TPST2: variants seen among roughly 807,000 people sequenced by gnomAD.
TPST2 encodes tyrosylprotein sulfotransferase 2, also known as protein-tyrosine sulfotransferase 2.
In TPST2, 16 loss-of-function variants were observed where a neutral mutation model predicts 27.8. The ratio of observed to expected loss-of-function variants is 0.58; its 90% CI spans 0.39 to 0.88. TPST2 has a LOEUF of 0.88. Among genes scored for constraint, TPST2 ranks in the 40% least tolerant of loss-of-function variants. The pLI is 0.00. For synonymous variants in TPST2, 229 were observed against 231.7 expected (o/e 0.99, Z 0.10); for missense variants, 464 against 543.1 (o/e 0.85, Z 1.45).
At chr22:26,562,478 A>G (rs529235122) in intron 1 of TPST2, among the ~76,000 whole-genome samples, 7 of 152,186 alleles carry the variant, frequency 4.6e-5, no homozygotes, top group African/African-American at 1.7e-4. Context: ...CATTGGTACA[A>G]CCTCTATATT....
intron 1 of TPST2, among the ~76,000 whole-genome samples, chr22:26,574,584 C>T (rs985370330): frequency 8.5e-5 from 13 of 152,184 alleles, no homozygotes; most frequent in African/African-American, 2.2e-4. Flanking sequence ...ATTTGGGAGG[C>T]GACTGGCTGG....
In TPST2 at chr22:26,540,856, C is replaced by T. The variant is rs770123108; in HGVS notation, c.775G>A (p.Ala259Thr). 5.5e-5 allele frequency: 88 copies of T among 1,613,730 alleles called. No homozygotes were observed. The highest frequency in any genetic ancestry group is 7.0e-5 in the Non-Finnish European group (83 of 1,179,968). ...LKLILDFLGI[A>T]WSDAVLHHED... is the part of the protein sequence containing the mutation. Reference sequence around the variant, plus strand: ...TGGTGGAGGACAGCGTCGCTCCAGGCGATGCCGAGGAAGTCGAGGATGAGC... The same window carrying T: ...TGGTGGAGGACAGCGTCGCTCCAGGTGATGCCGAGGAAGTCGAGGATGAGC... Residue 259 changes from alanine (A) to threonine (T), a missense_variant, in exon 3 of 7, where the codon GCC becomes ACC. Transcript: ENST00000338754.
intron 1 of TPST2, among the ~76,000 whole-genome samples, chr22:26,546,378 GC>G (rs1422232223): frequency 6.6e-6 from 1 of 152,234 alleles, no homozygotes; most frequent in East Asian, 1.9e-4. Flanking sequence ...ATGATGTGAG[GC>G]CTGCTCTCTT....
At position 26,541,027 on chromosome 22, in the gene TPST2, A is replaced by C; in HGVS notation, c.604T>G (p.Phe202Val). The change falls in exon 3 of 7, where the codon TTT becomes GTT. Residue 202 changes from phenylalanine (F) to valine (V), a missense_variant. Physicochemically the swap from Phe to Val is conservative, Grantham distance 50. Coordinates refer to ENST00000338754, the MANE Select transcript of TPST2 (RefSeq NM_003595.5). This position sits in a 1 kb window ranked among gnomAD's most constrained non-coding sequence, Gnocchi z 5.9. ...CAGTCACGGTAGCTGCTGAGGTCAAAGCCCGCAATGGTGACTTTGCGCGTG... is the reference window on the plus strand; with the variant it reads ...CAGTCACGGTAGCTGCTGAGGTCAACGCCCGCAATGGTGACTTTGCGCGTG... ...MITRKVTIAG[F>V]DLSSYRDCLT... The C allele has an allele frequency of 6.2e-7, 1 of 1,614,126 alleles. No individual in the cohort carries two copies. Among genetic ancestry groups the C allele is most frequent in the African/African-American group, 1.3e-5 (1 of 75,056 alleles).
chr22:26,558,162 CACACAT>C (rs1172866108), intron 1 of TPST2, among the ~76,000 whole-genome samples: 2 of 109,824 alleles, frequency 1.8e-5, no homozygotes, highest in African/African-American at 3.7e-5. Flanking sequence ...CACACACACA[CACACAT>C]ATATATGTCG....
intron 1 of TPST2, among the ~76,000 whole-genome samples, chr22:26,584,462 G>A (rs1310383382): frequency 6.6e-6 from 1 of 152,164 alleles, no homozygotes; most frequent in Non-Finnish European, 1.5e-5. Context: ...TATGTGCTAG[G>A]CCTTAAGATG....
chr22:26,560,966 G>A, intron 1 of TPST2: 1 of 1,610,252 alleles, frequency 6.2e-7, no homozygotes, highest in African/African-American at 1.3e-5. Flanking sequence ...ATGAAAAGAA[G>A]GCTGCGAAGC....
At position 26,540,707 on chromosome 22, in the gene TPST2, G is replaced by T; in HGVS notation, c.842+82C>A. ...ACTTGCCCAAGGCCACACAGCTCAAGAAAGGCAGTGCTGATTTTCTTGCCT... is the reference window on the plus strand; with the variant it reads ...ACTTGCCCAAGGCCACACAGCTCAATAAAGGCAGTGCTGATTTTCTTGCCT... On this transcript the variant is annotated intron_variant, in intron 3 of 6. Transcript: ENST00000338754. The T allele has an allele frequency of 1.5e-6, 2 of 1,358,328 alleles. 1 individual carries two copies. Among genetic ancestry groups the T allele is most frequent in the South Asian group, 2.9e-5 (2 of 68,526 alleles). The allele number at this position is 1,358,328 out of a possible 1,614,324, so 84.1% of individuals were successfully genotyped here. A position where few individuals can be genotyped will look rare whatever the true frequency, so the allele number is the denominator to read the frequency against.
chr22:26,526,378 T>G (rs923293853), intron 6 of TPST2, 111 bp from the exon 7 acceptor site: 1 of 152,264 alleles, frequency 6.6e-6, no homozygotes, highest in Non-Finnish European at 1.5e-5. Flanking sequence ...CGCATAAGCA[T>G]GTAATGTTTT....
At chr22:26,563,471 G>T (rs1927225204) in intron 1 of TPST2, among the ~76,000 whole-genome samples, 1 of 151,968 alleles carries the variant, frequency 6.6e-6, no homozygotes, top group African/African-American at 2.4e-5. Flanking sequence ...TGGGACTACA[G>T]GCACCCGCCT....
intron 1 of TPST2, among the ~76,000 whole-genome samples, chr22:26,580,270 C>T (rs1928047329): frequency 6.6e-6 from 1 of 152,112 alleles, no homozygotes; most frequent in South Asian, 2.1e-4. Flanking sequence ...AGAAAATCAC[C>T]AGACAGAGAA....
chr22:26,529,011 A>AC (rs879350891), intron 5 of TPST2, among the ~76,000 whole-genome samples: 3 of 146,420 alleles, frequency 2.0e-5, no homozygotes, highest in Non-Finnish European at 3.1e-5. Context: ...CAAAAAAAAA[A>AC]CAAAACGTAT....
At chr22:26,584,815 A>T (rs1602309893) in intron 1 of TPST2, among the ~76,000 whole-genome samples, 1 of 152,160 alleles carries the variant, frequency 6.6e-6, no homozygotes, top group African/African-American at 2.4e-5. Context: ...CTGTTGGGGG[A>T]ATTAAATGAG....
chr22:26,576,957 G>A (rs982010702), intron 1 of TPST2, among the ~76,000 whole-genome samples: 4 of 152,054 alleles, frequency 2.6e-5, no homozygotes, highest in Admixed American at 6.5e-5. Context: ...TTAGCCGGGC[G>A]TGGTGGCAGA....
chr22:26,532,849 AC>A, intron 4 of TPST2, 104 bp from the exon 5 acceptor site: 1 of 984,524 alleles, frequency 1.0e-6, no homozygotes, highest in East Asian at 2.4e-5. Context: ...CTCGCCACCC[AC>A]CCATCCCTCC....
rs182301250 is a variant in TPST2 at position 26,560,813 on chromosome 22, G to C, written c.-160-16138C>G. On this transcript the variant is annotated intron_variant, in intron 1 of 6. Coordinates refer to ENST00000338754, the MANE Select transcript of TPST2 (RefSeq NM_003595.5). ...AGTTCAAGGATCCGAATGCACCCAA[G>C]AGGACTCCTTCGGCCTTCTTCCTGT... 8.1e-5 allele frequency: 117 copies of C among 1,440,968 alleles called. 1 individual carries two copies. The highest frequency in any genetic ancestry group is 2.0e-6 in the Non-Finnish European group (2 of 1,022,552). 89.3% of individuals were successfully genotyped at this position (1,440,968 alleles called of 1,614,324 possible).
In TPST2 at chr22:26,539,620, T is replaced by A. The variant is rs79009969; in HGVS notation, c.842+1169A>T. 1.1e-3 allele frequency among the ~76,000 whole-genome samples: 161 copies of A among 142,232 alleles called. 2 individuals are homozygous for A. Among genetic ancestry groups the A allele is most frequent in the Middle Eastern group, 3.6e-3 (1 of 276 alleles). 93.3% of individuals were successfully genotyped at this position (142,232 alleles called of 152,430 possible). A position where few individuals can be genotyped will look rare whatever the true frequency, so the allele number is the denominator to read the frequency against. On this transcript the variant is annotated intron_variant, in intron 3 of 6. Coordinates refer to ENST00000338754, the MANE Select transcript of TPST2 (RefSeq NM_003595.5). ...TCTACTAGGAAAAAAAAAAAAAAAATGAGCTGGGTGTGGAGATGCTCGCCT... is the reference window on the plus strand; with the variant it reads ...TCTACTAGGAAAAAAAAAAAAAAAAAGAGCTGGGTGTGGAGATGCTCGCCT...
At chr22:26,580,421 G>C (rs1039246399) in intron 1 of TPST2, among the ~76,000 whole-genome samples, 11 of 152,140 alleles carry the variant, frequency 7.2e-5, no homozygotes, top group Non-Finnish European at 1.5e-4. Flanking sequence ...ATCCAGGGAA[G>C]AAGGGGAATG....
intron 1 of TPST2, among the ~76,000 whole-genome samples, chr22:26,559,281 G>A (rs1035122801): frequency 1.3e-5 from 2 of 152,222 alleles, no homozygotes; most frequent in African/African-American, 4.8e-5. Context: ...CAGGAGAATC[G>A]CTTGAACTTG....
Sources: gnomAD v4.1 joint callset for allele counts (sites outside exome capture counted in the v4.1 genomes callset) on GRCh38, gnomAD v4.1.1 for gene constraint, Gnocchi (gnomAD v3.1) non-coding constraint, MANE v1.5 for transcripts, NCBI Gene and HGNC (gene_info 2026-07-23, HGNC 2026-07-21) for gene names.